The following UBXN8 variants were observed in gnomAD, a reference collection of about 807,000 sequenced individuals.
UBXN8 encodes UBX domain protein 8, also known as UBX domain-containing protein 8.
Under a neutral mutation model 32.1 loss-of-function variants are expected in UBXN8, and 27 were observed. The ratio of observed to expected loss-of-function variants is 0.84; its 90% CI spans 0.62 to 1.16. The LOEUF (loss-of-function observed/expected upper bound fraction) is 1.16. UBXN8 is among the 50% of genes most tolerant of loss of function. The probability of loss-of-function intolerance (pLI) is 0.00; values close to 1 mark genes in which losing one functional copy is unlikely to be tolerated. For missense variants in UBXN8, 306 were observed against 311.4 expected (o/e 0.98, Z 0.13); for synonymous variants, 109 against 111.8 (o/e 0.98, Z 0.16).
chr8:30,732,308 G>A (rs1026593560), upstream of UBXN8: 3 of 398,202 alleles, frequency 7.5e-6, no homozygotes, highest in East Asian at 3.6e-5. Context: ...GCTCTACTCC[G>A]GCACCTGGAG....
intron 5 of UBXN8, 31 bp downstream of exon 5, chr8:30,756,918 T>C (rs752568462): frequency 1.2e-6 from 2 of 1,612,938 alleles, no homozygotes; most frequent in Admixed American, 3.3e-5. Flanking sequence ...CATTGAATTG[T>C]GTCTGTGTGC....
At chr8:30,764,379 AG>A (rs1260987511) in intron 7 of UBXN8, among the ~76,000 whole-genome samples, 1 of 152,200 alleles carries the variant, frequency 6.6e-6, no homozygotes, top group African/African-American at 2.4e-5. Flanking sequence ...CATGTTGGCC[AG>A]GCTGGTCTCA....
At chr8:30,745,205 A>G (rs1471031786) in intron 1 of UBXN8, among the ~76,000 whole-genome samples, 2 of 152,156 alleles carry the variant, frequency 1.3e-5, no homozygotes, top group African/African-American at 4.8e-5. Flanking sequence ...AGGAGATGAA[A>G]TGTAGACAGA....
intron 1 of UBXN8, among the ~76,000 whole-genome samples, chr8:30,748,248 C>T (rs925122173): frequency 2.0e-5 from 3 of 151,638 alleles, no homozygotes; most frequent in African/African-American, 7.3e-5. Flanking sequence ...GCCTCAGCCT[C>T]CTGAGTAGCT....
chr8:30,759,035 A>C (rs976460498), intron 5 of UBXN8, among the ~76,000 whole-genome samples: 15 of 151,368 alleles, frequency 9.9e-5, no homozygotes, highest in African/African-American at 2.4e-4. Flanking sequence ...CTGGGACTAC[A>C]GGTGCCCGCC....
intron 3 of UBXN8, among the ~76,000 whole-genome samples, chr8:30,753,591 A>G (rs1347771799): frequency 4.6e-5 from 7 of 152,046 alleles, no homozygotes; most frequent in African/African-American, 1.7e-4. Flanking sequence ...CATTTAGTAC[A>G]TTCACAAGGC....
upstream of UBXN8, among the ~76,000 whole-genome samples, chr8:30,743,205 G>A (rs1805255049): frequency 7.2e-6 from 1 of 138,070 alleles, no homozygotes; most frequent in African/African-American, 2.7e-5. Context: ...CGCCCAGGCT[G>A]GAGTGCAGTG....
At chr8:30,731,077 G>A (rs1238517252), upstream of UBXN8, among the ~76,000 whole-genome samples, 1 of 152,256 alleles carries the variant, frequency 6.6e-6, no homozygotes, top group African/African-American at 2.4e-5. Context: ...AGCGTAATCA[G>A]TGTGCTTATT....
intron 7 of UBXN8, among the ~76,000 whole-genome samples, chr8:30,763,564 T>G (rs1805921957): frequency 6.6e-6 from 1 of 152,246 alleles, no homozygotes; most frequent in South Asian, 2.1e-4. Flanking sequence ...CACATTTTAC[T>G]CATTCTTTCC....
At chr8:30,741,919 T>C (rs1232102012), upstream of UBXN8, among the ~76,000 whole-genome samples, 1 of 152,172 alleles carries the variant, frequency 6.6e-6, no homozygotes, top group Non-Finnish European at 1.5e-5. Context: ...TTGGATTGGT[T>C]AGGAACTGCC....
intron 1 of UBXN8, among the ~76,000 whole-genome samples, chr8:30,751,122 T>C (rs1189936365): frequency 6.6e-6 from 1 of 152,222 alleles, no homozygotes; most frequent in East Asian, 1.9e-4. Flanking sequence ...GGGATGACTA[T>C]TATATGAACA....
At chr8:30,747,679 G>T (rs1805399481) in intron 1 of UBXN8, among the ~76,000 whole-genome samples, 1 of 139,836 alleles carries the variant, frequency 7.2e-6, no homozygotes, top group Admixed American at 7.2e-5. Flanking sequence ...AGATAAAATA[G>T]ATTAAATTAT....
intron 1 of UBXN8, among the ~76,000 whole-genome samples, chr8:30,738,319 C>T (rs1215626693): frequency 6.6e-6 from 1 of 151,544 alleles, no homozygotes; most frequent in Admixed American, 6.6e-5. Context: ...AGTTTGAGAC[C>T]AGCCTGGGAA....
Position 30,756,750 on chromosome 8 carries a change from G to A in UBXN8, c.406-15G>A. On this transcript the variant is annotated splice_polypyrimidine_tract_variant and intron_variant, in intron 4 of 7. Coordinates refer to ENST00000265616, the MANE Select transcript of UBXN8 (RefSeq NM_005671.4). ...GAAAACATCTCTTTAGAAATTGTCTGTTGTGTTTGACCAGGGTGATGAAGG... is the reference window on the plus strand; with the variant it reads ...GAAAACATCTCTTTAGAAATTGTCTATTGTGTTTGACCAGGGTGATGAAGG... The A allele has an allele frequency of 6.2e-7, 1 of 1,613,796 alleles. No individual in the cohort carries two copies. Among genetic ancestry groups the A allele is most frequent in the South Asian group, 1.1e-5 (1 of 91,076 alleles).
chr8:30,749,922 G>C (rs184856574), intron 1 of UBXN8, among the ~76,000 whole-genome samples: 1 of 152,000 alleles, frequency 6.6e-6, no homozygotes, highest in East Asian at 1.9e-4. Flanking sequence ...GATATTTTCA[G>C]TTTTATTTCT....
upstream of UBXN8, among the ~76,000 whole-genome samples, chr8:30,743,646 A>T (rs1326442155): frequency 6.6e-6 from 1 of 152,326 alleles, no homozygotes; most frequent in African/African-American, 2.4e-5. Context: ...ACCTGGCATT[A>T]GGACGTGCGT....
At chr8:30,744,436 A>T in intron 1 of UBXN8, 159 bp downstream of exon 1, 1 of 686,332 alleles carries the variant, frequency 1.5e-6, no homozygotes, top group Non-Finnish European at 2.5e-6. Context: ...AGCTGACTTC[A>T]CTTCGAGGAA....
intron 1 of UBXN8, among the ~76,000 whole-genome samples, chr8:30,749,406 A>AAAAAT (rs1554577905): frequency 5.8e-4 from 66 of 114,480 alleles, no homozygotes; most frequent in African/African-American, 2.2e-3. Context: ...AAAAAAAAAT[A>AAAAAT]AAATAAATAA....
upstream of UBXN8, among the ~76,000 whole-genome samples, chr8:30,731,224 G>C (rs28845178): frequency 6.6e-6 from 1 of 152,114 alleles, no homozygotes; most frequent in African/African-American, 2.4e-5. Context: ...GAGGGGGACC[G>C]GGCTCAAGGA....
Sources: allele counts gnomAD v4.1 joint callset (sites outside exome capture counted in the v4.1 genomes callset), GRCh38; gene constraint gnomAD v4.1.1; transcripts MANE v1.5; gene names NCBI Gene and HGNC (gene_info 2026-07-23, HGNC 2026-07-21).